Variants in ABCC6 observed in about 807,000 individuals in gnomAD.
ABCC6 encodes the protein ATP binding cassette subfamily C member 6.
ABCC6 carries 126 observed loss-of-function variants against 169.5 expected under a neutral mutation model. That is an observed-to-expected ratio of 0.74 (90% CI 0.64 to 0.86). ABCC6 has a LOEUF of 0.86. Among genes scored for constraint, ABCC6 ranks in the 40% least tolerant of loss-of-function variants. The pLI, the probability that ABCC6 is intolerant of heterozygous loss-of-function variation, is 0.00. For synonymous variants in ABCC6, 752 were observed against 814.7 expected (o/e 0.92, Z 1.31); for missense variants, 1,733 against 1,927.2 (o/e 0.90, Z 1.89).
chr16:16,184,925 C>T (rs757822980), intron 15 of ABCC6, 34 bp downstream of exon 15: 1 of 1,594,614 alleles, frequency 6.3e-7, no homozygotes, highest in African/African-American at 1.3e-5. Flanking sequence ...TCCCTAAAAA[C>T]ATGAGGCTGG....
intron 13 of ABCC6, among the ~76,000 whole-genome samples, chr16:16,188,025 G>C (rs922281981): frequency 2.0e-5 from 3 of 151,776 alleles, no homozygotes; most frequent in African/African-American, 4.8e-5. Context: ...TGAGGTCGGG[G>C]GTTCAAGACC....
At position 16,163,065 on chromosome 16, in the gene ABCC6, GGGGCCT is replaced by G. The variant is rs1567475920; in HGVS notation, c.3428_3433del (p.Gln1143_Ala1144del). On this transcript the variant is annotated inframe_deletion, in exon 24 of 31. Coordinates refer to ENST00000205557, the MANE Select transcript of ABCC6 (RefSeq NM_001171.6). Reference sequence around the variant, plus strand: ...GCGAGCATTGTTCTGAGCCACAAAGGGGGCCTGGGTTCGGAATGCCCGGACCACTGT... The same window carrying G: ...GCGAGCATTGTTCTGAGCCACAAAGGGGGTTCGGAATGCCCGGACCACTGT... 6.2e-7 allele frequency: 1 copy of G among 1,613,998 alleles called. No individual in the cohort carries two copies. Among genetic ancestry groups the G allele is most frequent in the Non-Finnish European group, 8.5e-7 (1 of 1,180,024 alleles).
rs928863439 is a variant in ABCC6 at position 16,189,052 on chromosome 16, C to A, written c.1636-78G>T. 34 of 1,530,336 alleles carry A rather than the reference C, an allele frequency of 2.2e-5. No homozygotes were observed. In the Admixed American group the frequency reaches 5.4e-4, roughly 24 times the overall value. 94.8% of individuals were successfully genotyped at this position (1,530,336 alleles called of 1,614,324 possible). ...AGGGCAGCCTGGGCAAGCTGTGGTG[C>A]CTGCACGGTCCATGTGGCCCACCCG... On this transcript the variant is annotated intron_variant, in intron 12 of 30. Transcript: ENST00000205557.
rs554864263 is a variant in ABCC6, at chr16:16,151,729, ATTG to A, written c.4209-960_4209-958del. On this transcript the variant is annotated intron_variant, in intron 29 of 30. Transcript: ENST00000205557. ...CATAATGTCCACCAAGGTAGATATT[ATTG>A]TTCTCTTCTTTTGAGAGAAGAGGAC... Among the ~76,000 whole-genome samples, 14 of 152,268 alleles carry A rather than the reference ATTG, an allele frequency of 9.2e-5. No individual in the cohort carries two copies. The East Asian group carries it at 2.7e-3, about 29-fold the overall frequency.
At position 16,157,778 on chromosome 16, in the gene ABCC6, T is replaced by TGAGCTGCACATGTGGGCAGCCTCCAGG. The variant is rs1364050032; in HGVS notation, c.3740_3766dup (p.Pro1247_Ala1255dup). On this transcript the variant is annotated inframe_insertion, in exon 27 of 31. Transcript: ENST00000205557. ...CTGCCCGCCCTGAGGCCAGGGGGGC[T>TGAGCTGCACATGTGGGCAGCCTCCAGG]GAGCTGCACATGTGGGCAGCCTCCA... is the stretch of plus-strand genomic sequence containing the variant. 1.2e-6 allele frequency: 2 copies of TGAGCTGCACATGTGGGCAGCCTCCAGG among 1,613,306 alleles called. No individual in the cohort carries two copies. Among genetic ancestry groups the TGAGCTGCACATGTGGGCAGCCTCCAGG allele is most frequent in the South Asian group, 1.1e-5 (1 of 91,076 alleles).
At chr16:16,168,666 G>T (rs2644993) in intron 22 of ABCC6, among the ~76,000 whole-genome samples, 52,224 of 151,766 alleles carry the variant, frequency 0.34, 9,654 homozygotes, top group African/African-American at 0.47. Context: ...GTGGTGAGGG[G>T]GTTGTTCAGT....
intron 7 of ABCC6, 87 bp downstream of exon 7, chr16:16,208,641 G>C (rs1222843083): frequency 6.2e-7 from 1 of 1,607,600 alleles, no homozygotes; most frequent in African/African-American, 1.3e-5. Flanking sequence ...CAAAATGCCG[G>C]GATTACAGTC....
At chr16:16,160,242 C>T (rs2046672619) in intron 25 of ABCC6, among the ~76,000 whole-genome samples, 1 of 152,156 alleles carries the variant, frequency 6.6e-6, no homozygotes, top group South Asian at 2.1e-4. Context: ...CCAACATGCT[C>T]CAGCCTCTTA....
chr16:16,183,370 TCCTC>T (rs1567504366), intron 15 of ABCC6, among the ~76,000 whole-genome samples: 1 of 152,052 alleles, frequency 6.6e-6, no homozygotes, highest in Admixed American at 6.6e-5. Context: ...ATAGGCTCTT[TCCTC>T]CCTCCCTCCC....
At chr16:16,171,439 T>C (rs2047062801) in intron 21 of ABCC6, among the ~76,000 whole-genome samples, 1 of 152,212 alleles carries the variant, frequency 6.6e-6, no homozygotes, top group Admixed American at 6.5e-5. Context: ...CTTATTAGCA[T>C]AATTATTTAC....
At chr16:16,200,160 G>A (rs1167919432) in intron 9 of ABCC6, among the ~76,000 whole-genome samples, 5 of 150,444 alleles carry the variant, frequency 3.3e-5, no homozygotes, top group South Asian at 2.1e-4. Flanking sequence ...GGCTGAGCGC[G>A]TTGGCTCATG....
intron 29 of ABCC6, among the ~76,000 whole-genome samples, chr16:16,152,004 A>G (rs1289327770): frequency 6.6e-6 from 1 of 151,868 alleles, no homozygotes; most frequent in Non-Finnish European, 1.5e-5. Context: ...CATCCTGGCT[A>G]ACACGGTGAA....
chr16:16,166,363 G>A (rs908962558), intron 22 of ABCC6, among the ~76,000 whole-genome samples: 6 of 151,810 alleles, frequency 4.0e-5, no homozygotes, highest in African/African-American at 1.5e-4. Flanking sequence ...CTTGTTTCTT[G>A]ATGTAATGGG....
chr16:16,190,664 T>A (rs2047818905), intron 11 of ABCC6, among the ~76,000 whole-genome samples: 1 of 150,140 alleles, frequency 6.7e-6, no homozygotes, highest in Admixed American at 6.7e-5. Context: ...TACCTGGAGG[T>A]GGTTGATGCC....
At chr16:16,210,186 G>C (rs1359512593) in intron 6 of ABCC6, among the ~76,000 whole-genome samples, 1 of 151,966 alleles carries the variant, frequency 6.6e-6, no homozygotes, top group Admixed American at 6.6e-5. Flanking sequence ...GCTCAGGCTG[G>C]AGTGCACTGG....
chr16:16,154,806 G>A lies in ABCC6; in HGVS notation c.4042-12C>T, dbSNP rs560660056. 7 of 1,609,678 alleles carry A rather than the reference G, an allele frequency of 4.3e-6. No individual in the cohort carries two copies. In the African/African-American group the frequency reaches 6.7e-5, roughly 15 times the overall value. ...AACAGGATGGGGTCCTGGCGGGGAGGGGCGGTGGGTCAGAGCCGGGTCCCA... is the reference window on the plus strand; with the variant it reads ...AACAGGATGGGGTCCTGGCGGGGAGAGGCGGTGGGTCAGAGCCGGGTCCCA... On this transcript the variant is annotated splice_polypyrimidine_tract_variant and intron_variant, in intron 28 of 30. Coordinates refer to ENST00000205557, the MANE Select transcript of ABCC6 (RefSeq NM_001171.6).
chr16:16,199,655 GT>G (rs1488009606), intron 9 of ABCC6, among the ~76,000 whole-genome samples: 1 of 127,642 alleles, frequency 7.8e-6, no homozygotes, highest in Non-Finnish European at 1.8e-5. Context: ...TCTTTGAAGA[GT>G]GCTCACTGTG....
At chr16:16,178,690 T>C (rs1200009302) in intron 18 of ABCC6, 108 bp downstream of exon 18, 3 of 1,284,380 alleles carry the variant, frequency 2.3e-6, no homozygotes, top group African/African-American at 2.9e-5. Context: ...AAAGAGGAAA[T>C]TGGACTCAAG....
Position 16,165,897 on chromosome 16 carries a change from A to G in ABCC6, c.3032T>C (p.Leu1011Pro), listed in dbSNP as rs1555509515. The change falls in exon 23 of 31, where the codon CTA becomes CCA. Residue 1011 changes from leucine to proline, a missense_variant. Leu to Pro is a moderately conservative substitution (Grantham distance 98, BLOSUM62 -3). Around this residue, in one of 5 missense-constraint regions of ABCC6, gnomAD observed 1,601 missense variants for 1,635.5 expected, o/e 0.98. Transcript: ENST00000205557. ...GLFASMAAVL[L>P]GGARASRLLF... ...CAACCTGGATGCCCGGGCCCCACCT[A>G]GGAGCACCGCAGCCATGGAGGCAAA... 6.2e-7 allele frequency: 1 copy of G among 1,613,096 alleles called. No individual in the cohort carries two copies. The highest frequency in any genetic ancestry group is 8.5e-7 in the Non-Finnish European group (1 of 1,179,988).
Sources: gnomAD v4.1 joint callset for allele counts (sites outside exome capture counted in the v4.1 genomes callset) on GRCh38, gnomAD v4.1.1 for gene constraint, gnomAD v4.1.1 regional missense constraint, MANE v1.5 for transcripts, NCBI Gene and HGNC (gene_info 2026-07-23, HGNC 2026-07-21) for gene names.